TNRC6A: variants seen among roughly 807,000 people sequenced by gnomAD.
The protein encoded by TNRC6A is trinucleotide repeat containing adaptor 6A.
A neutral mutation model predicts 221.2 loss-of-function variants in TNRC6A; 44 were observed. That is an observed-to-expected ratio of 0.20 (90% CI 0.16 to 0.26). The LOEUF is 0.26. Among genes scored for constraint, TNRC6A ranks in the 10% least tolerant of loss-of-function variants. The probability of loss-of-function intolerance (pLI) is 1.00; values close to 1 mark genes in which losing one functional copy is unlikely to be tolerated. For missense variants in TNRC6A, 2,199 were observed against 2,404.4 expected (o/e 0.91, Z 1.79); for synonymous variants, 847 against 838.5 (o/e 1.01, Z -0.18).
Position 24,806,210 on chromosome 16 carries a change from T to G in TNRC6A, c.4256T>G (p.Leu1419Trp). 2 of 1,614,068 alleles carry G rather than the reference T, an allele frequency of 1.2e-6. No individual in the cohort carries two copies. The highest frequency in any genetic ancestry group is 1.7e-6 in the Non-Finnish European group (2 of 1,180,014). ...QLSQISQLQR[L>W]LAQQQRAQSQ... ...TTTTCGCTATCTTTCCTCTAGCGATTGTTAGCGCAGCAGCAAAGGGCGCAG... is the reference window on the plus strand; with the variant it reads ...TTTTCGCTATCTTTCCTCTAGCGATGGTTAGCGCAGCAGCAAAGGGCGCAG... Residue 1419 changes from leucine (L) to tryptophan (W), a missense_variant, in exon 16 of 25, where the codon TTG (leucine) becomes TGG (tryptophan). Leu to Trp is a moderately conservative substitution (Grantham distance 61, BLOSUM62 -2). Around this residue, in one of 8 missense-constraint regions of TNRC6A, gnomAD observed 449 missense variants for 579.7 expected, o/e 0.77. Transcript: ENST00000395799.
chr16:24,776,771 T>C (rs961582930), intron 4 of TNRC6A, 162 bp from the exon 5 acceptor site: 17 of 985,268 alleles, frequency 1.7e-5, no homozygotes, highest in Non-Finnish European at 1.8e-5. Context: ...CAGTGACATC[T>C]CCTAACAAAA....
rs759323821 is a variant in TNRC6A at position 24,777,113 on chromosome 16, C to CGCAGCCGCAGCAGCA, written c.351_365dup (p.Gln121_Gln125dup). 13 of 1,091,276 alleles carry CGCAGCCGCAGCAGCA rather than the reference C, an allele frequency of 1.2e-5. No individual in the cohort carries two copies. In the East Asian group the frequency reaches 3.0e-4, roughly 25 times the overall value. The allele number at this position is 1,091,276 out of a possible 1,614,324, so 67.6% of individuals were successfully genotyped here. A position where few individuals can be genotyped will look rare whatever the true frequency, so the allele number is the denominator to read the frequency against. ...CAGCAGCCACAGCAGCAGCCACAGC[C>CGCAGCCGCAGCAGCA]GCAGCCGCAGCAGCAGCAGCCACAG... On this transcript the variant is annotated inframe_insertion, in exon 5 of 25. Transcript: ENST00000395799.
chr16:24,730,425 G>T (rs935601820), intron 2 of TNRC6A, 125 bp downstream of exon 2: 2 of 1,122,636 alleles, frequency 1.8e-6, no homozygotes, highest in Non-Finnish European at 2.5e-6. Context: ...GCAGACATTC[G>T]GGAGAAGCGG....
chr16:24,821,964 T>G, intron 22 of TNRC6A, 113 bp from the exon 23 acceptor site: 2 of 983,964 alleles, frequency 2.0e-6, no homozygotes, highest in Non-Finnish European at 3.2e-6. Context: ...AAGCCTCCCA[T>G]GTAGAAGTGC....
Position 24,791,104 on chromosome 16 carries a change from A to G in TNRC6A, c.2462A>G (p.Asn821Ser). The change falls in exon 6 of 25, where the codon AAT (asparagine) becomes AGT (serine). Residue 821 changes from asparagine to serine, a missense_variant. By Grantham distance (46) the Asn-to-Ser change is conservative (BLOSUM62 1). This residue lies in a region of TNRC6A where 1,405 missense variants were observed against 1,400.2 expected (regional missense o/e 1.00). Coordinates refer to ENST00000395799, the MANE Select transcript of TNRC6A (RefSeq NM_014494.4). ...TGMVKSNQWGNCKEEKAAWND... is the reference protein window; with the variant it reads ...TGMVKSNQWGSCKEEKAAWND... ...ATGGTCAAGAGCAATCAGTGGGGGA[A>G]TTGCAAAGAGGAGAAGGCTGCATGG... The G allele has an allele frequency of 6.2e-7, 1 of 1,613,188 alleles. No homozygotes were observed. The highest frequency in any genetic ancestry group is 2.2e-5 in the East Asian group (1 of 44,844).
At chr16:24,746,762 G>T (rs947685167) in intron 2 of TNRC6A, among the ~76,000 whole-genome samples, 15 of 152,176 alleles carry the variant, frequency 9.9e-5, no homozygotes, top group African/African-American at 3.1e-4. Flanking sequence ...CTTCAGAAGG[G>T]ATTAATTTTA....
rs188692361 is a variant in TNRC6A at position 24,793,344 on chromosome 16, A to G, written c.3176-129A>G. The G allele has an allele frequency of 4.4e-3, 2,267 of 510,974 alleles. 46 individuals are homozygous for G. Among genetic ancestry groups the G allele is most frequent in the Non-Finnish European group, 7.9e-4 (243 of 309,204 alleles). The allele number at this position is 510,974 out of a possible 1,614,324, so 31.7% of individuals were successfully genotyped here. The stretch of plus-strand genomic sequence containing the variant: ...CAGATGCCATCTTTTTGCCTATCAC[A>G]GTATCATTATTCAGTACATAAACAT... On this transcript the variant is annotated intron_variant, in intron 6 of 24. Coordinates refer to ENST00000395799, the MANE Select transcript of TNRC6A (RefSeq NM_014494.4).
chr16:24,801,664 AT>A (rs1308496584), intron 11 of TNRC6A, among the ~76,000 whole-genome samples: 4 of 148,278 alleles, frequency 2.7e-5, no homozygotes, highest in South Asian at 4.2e-4. Context: ...AATTTTTTGT[AT>A]TTTTAGTAGA....
chr16:24,806,012 T>C (rs960361006), intron 15 of TNRC6A, among the ~76,000 whole-genome samples, 194 bp from the exon 16 acceptor site: 11 of 152,266 alleles, frequency 7.2e-5, no homozygotes, highest in African/African-American at 2.6e-4. Context: ...AAGTTTAGAT[T>C]GAACTAAAGA....
intron 4 of TNRC6A, among the ~76,000 whole-genome samples, chr16:24,763,926 A>G (rs1428283871): frequency 6.6e-6 from 1 of 152,230 alleles, no homozygotes; most frequent in East Asian, 1.9e-4. Flanking sequence ...AATGAATACC[A>G]CAGTCAAGCA....
intron 14 of TNRC6A, 117 bp from the exon 15 acceptor site, chr16:24,805,488 A>AC: frequency 2.9e-6 from 4 of 1,385,096 alleles, no homozygotes; most frequent in Non-Finnish European, 4.0e-6. Flanking sequence ...AAAGACTATA[A>AC]CCCCCAATGA....
In TNRC6A at chr16:24,790,754, C is replaced by T. The variant is rs778440208; in HGVS notation, c.2112C>T (p.Leu704=). Residue 704 remains leucine (L), a synonymous_variant, in exon 6 of 25, where the codon CTC becomes CTT. Coordinates refer to ENST00000395799, the MANE Select transcript of TNRC6A (RefSeq NM_014494.4). ...DRRKIDQHTL[L]QSIVNRTDLD... ...GAAAAATTGATCAGCACACATTACT[C>T]CAAAGCATTGTAAACAGAACTGACT... 3.7e-6 allele frequency: 6 copies of T among 1,614,108 alleles called. No homozygotes were observed. The highest frequency in any genetic ancestry group is 2.2e-5 in the East Asian group (1 of 44,874).
intron 11 of TNRC6A, among the ~76,000 whole-genome samples, chr16:24,801,191 G>A (rs2112783): frequency 0.14 from 20,629 of 152,184 alleles, 1,750 homozygotes; most frequent in Middle Eastern, 0.19. Flanking sequence ...GTGGATGATA[G>A]TGTAAGCTAT....
chr16:24,709,824 CAAAAAA>C (rs60844823), intron 2 of TNRC6A, among the ~76,000 whole-genome samples: 3 of 103,750 alleles, frequency 2.9e-5, no homozygotes, highest in African/African-American at 7.5e-5. Context: ...GACCCTGTCT[CAAAAAA>C]AAAAAAAAAA....
intron 2 of TNRC6A, chr16:24,671,091 C>T: frequency 3.5e-6 from 1 of 282,858 alleles, no homozygotes; most frequent in Non-Finnish European, 7.7e-6. Flanking sequence ...ACAGCCTCCG[C>T]GCCAAGGTCA....
chr16:24,719,429 G>A (rs2056372149), intron 2 of TNRC6A, among the ~76,000 whole-genome samples: 1 of 152,160 alleles, frequency 6.6e-6, no homozygotes, highest in Non-Finnish European at 1.5e-5. Context: ...ACTTTGGGAG[G>A]TGGGTAGATC....
At chr16:24,804,894 G>A (rs775865000) in intron 13 of TNRC6A, 43 bp downstream of exon 13, 3 of 1,613,430 alleles carry the variant, frequency 1.9e-6, no homozygotes, top group Non-Finnish European at 2.5e-6. Flanking sequence ...TGAATGATTT[G>A]TATTAGTAAT....
chr16:24,774,933 T>A (rs1255904760), intron 4 of TNRC6A, among the ~76,000 whole-genome samples: 1 of 152,230 alleles, frequency 6.6e-6, no homozygotes, highest in African/African-American at 2.4e-5. Flanking sequence ...GCTGTGTAAA[T>A]AATTGCATTG....
Position 24,729,709 on chromosome 16 carries a change from C to T in TNRC6A, c.-133C>T, listed in dbSNP as rs1224735388. On this transcript the variant is annotated 5_prime_UTR_variant, in exon 1 of 25. Transcript: ENST00000395799. ...TCGGCGGCGGCGGCGGCGGCGGCGG[C>T]GGCGGCGGCAGCGGGTCGGTGTAGA... is the stretch of plus-strand genomic sequence containing the variant. 6.4e-6 allele frequency: 7 copies of T among 1,092,348 alleles called. No individual in the cohort carries two copies. The highest frequency in any genetic ancestry group is 3.4e-5 in the African/African-American group (2 of 59,598). 67.7% of individuals were successfully genotyped at this position (1,092,348 alleles called of 1,614,324 possible).
Sources: gnomAD v4.1 joint callset for allele counts (sites outside exome capture counted in the v4.1 genomes callset) on GRCh38, gnomAD v4.1.1 for gene constraint, gnomAD v4.1.1 regional missense constraint, MANE v1.5 for transcripts, NCBI Gene and HGNC (gene_info 2026-07-23, HGNC 2026-07-21) for gene names.